Variants in ADARB1 observed in about 807,000 individuals in gnomAD.
ADARB1 encodes double-stranded RNA-specific editase 1.
In ADARB1, 10 loss-of-function variants were observed where a neutral mutation model predicts 52.4. The ratio of observed to expected loss-of-function variants is 0.19; its 90% confidence interval spans 0.12 to 0.32. The LOEUF is 0.32. Ranked by LOEUF, ADARB1 falls within the 10% of genes least tolerant of loss-of-function variation. The pLI is 1.00. For missense variants in ADARB1, 643 were observed against 922.3 expected (o/e 0.70, Z 3.92); for synonymous variants, 349 against 371.1 (o/e 0.94, Z 0.68).
At chr21:45,210,772 G>A (rs193008462) in intron 9 of ADARB1, among the ~76,000 whole-genome samples, 3 of 152,372 alleles carry the variant, frequency 2.0e-5, no homozygotes, top group Non-Finnish European at 2.9e-5. Flanking sequence ...TCCCATGGAC[G>A]AAGACAGTGC....
chr21:45,209,581 C>T (rs1470447770), intron 9 of ADARB1, among the ~76,000 whole-genome samples: 1 of 152,214 alleles, frequency 6.6e-6, no homozygotes, highest in Non-Finnish European at 1.5e-5. Flanking sequence ...ACGTCAAGAC[C>T]TCCATGCCAC....
Position 45,224,079 on chromosome 21 carries a change from C to A in ADARB1, c.*1882C>A. 1.0e-6 allele frequency: 1 copy of A among 985,480 alleles called. No individual in the cohort carries two copies. Among genetic ancestry groups the A allele is most frequent in the Non-Finnish European group, 1.2e-6 (1 of 829,980 alleles). The allele number at this position is 985,480 out of a possible 1,614,324, so 61.0% of individuals were successfully genotyped here. A position where few individuals can be genotyped will look rare whatever the true frequency, so the allele number is the denominator to read the frequency against. ...CTGTTGTCGCTGGCTTTCCCCCAAGCAGGCTCTTGCACACTCTAGAAAAAA... is the reference window on the plus strand; with the variant it reads ...CTGTTGTCGCTGGCTTTCCCCCAAGAAGGCTCTTGCACACTCTAGAAAAAA... On this transcript the variant is annotated 3_prime_UTR_variant, in exon 11 of 11. Transcript: ENST00000348831.
intron 8 of ADARB1, among the ~76,000 whole-genome samples, chr21:45,190,885 T>G (rs2092263129): frequency 6.6e-6 from 1 of 152,224 alleles, no homozygotes; most frequent in Non-Finnish European, 1.5e-5. Context: ...GTATGGAGGC[T>G]TCCTCCCACT....
intron 1 of ADARB1, among the ~76,000 whole-genome samples, chr21:45,099,370 T>C (rs1302397233): frequency 6.6e-6 from 1 of 152,152 alleles, no homozygotes; most frequent in African/African-American, 2.4e-5. Flanking sequence ...TTTAAAAAAA[T>C]AATTTACAGG....
Position 45,220,802 on chromosome 21 carries a change from G to A in ADARB1, c.1748-34G>A. 6.2e-7 allele frequency: 1 copy of A among 1,602,674 alleles called. No individual in the cohort carries two copies. The highest frequency in any genetic ancestry group is 8.5e-7 in the Non-Finnish European group (1 of 1,171,760). On this transcript the variant is annotated intron_variant, in intron 9 of 10. Transcript: ENST00000348831. The surrounding 1 kb of genome is among the most constrained non-coding windows in gnomAD (Gnocchi z 6.3). ...GCTCCCTCCCTGGGGGTGAAAGCGGGCTTCACACCACCTTCCTGTGTCTTC... is the reference window on the plus strand; with the variant it reads ...GCTCCCTCCCTGGGGGTGAAAGCGGACTTCACACCACCTTCCTGTGTCTTC...
chr21:45,125,609 G>T (rs1448485073), intron 1 of ADARB1, among the ~76,000 whole-genome samples: 1 of 152,252 alleles, frequency 6.6e-6, no homozygotes, highest in Admixed American at 6.5e-5. Flanking sequence ...ACTCATTGGG[G>T]GAAGTAAGAT....
intron 8 of ADARB1, among the ~76,000 whole-genome samples, chr21:45,188,733 T>C (rs764772389): frequency 3.9e-5 from 6 of 152,344 alleles, no homozygotes; most frequent in Non-Finnish European, 5.9e-5. Flanking sequence ...GTTTTCTATA[T>C]GCTTGTAGCT....
intron 1 of ADARB1, among the ~76,000 whole-genome samples, chr21:45,109,983 G>C (rs929114861): frequency 6.6e-6 from 1 of 152,200 alleles, no homozygotes; most frequent in Non-Finnish European, 1.5e-5. Context: ...CGCTTCAGCT[G>C]CAAGTGCGGT....
At chr21:45,086,488 A>G (rs2086349631) in intron 1 of ADARB1, among the ~76,000 whole-genome samples, 1 of 152,088 alleles carries the variant, frequency 6.6e-6, no homozygotes, top group Non-Finnish European at 1.5e-5. Flanking sequence ...TCTGCAGTTG[A>G]TTCGCGCACC....
At chr21:45,095,925 T>C (rs1469075314) in intron 1 of ADARB1, among the ~76,000 whole-genome samples, 2 of 152,214 alleles carry the variant, frequency 1.3e-5, no homozygotes, top group African/African-American at 2.4e-5. Context: ...AGTGGGGCTG[T>C]TGGGGCTTTA....
intron 1 of ADARB1, among the ~76,000 whole-genome samples, chr21:45,105,517 C>G (rs552816516): frequency 6.6e-6 from 1 of 152,336 alleles, no homozygotes; most frequent in East Asian, 1.9e-4. Flanking sequence ...TTTCCTTCAG[C>G]TGCTCCTGAC....
At position 45,208,234 on chromosome 21, in the gene ADARB1, T is replaced by C. The variant is rs1010307190; in HGVS notation, c.1747+3498T>C. Among the ~76,000 whole-genome samples, 3 of 152,148 alleles carry C rather than the reference T, an allele frequency of 2.0e-5. No homozygotes were observed. Among genetic ancestry groups the C allele is most frequent in the Admixed American group, 2.0e-4 (3 of 15,280 alleles). The stretch of plus-strand genomic sequence containing the variant: ...GATAAACCAAGAAGAAGGAGCAGGG[T>C]GCCCAAATGCCGCATGCGATGGCTC... On this transcript the variant is annotated intron_variant, in intron 9 of 10. Coordinates refer to ENST00000348831, the MANE Select transcript of ADARB1 (RefSeq NM_001112.4). The surrounding 1 kb of genome is among the most constrained non-coding windows in gnomAD (Gnocchi z 5.6).
chr21:45,111,207 C>G (rs1392751875), intron 1 of ADARB1, among the ~76,000 whole-genome samples: 1 of 152,264 alleles, frequency 6.6e-6, no homozygotes, highest in African/African-American at 2.4e-5. Context: ...GTGCCTGCCA[C>G]TGACCTCTGT....
chr21:45,198,947 C>G (rs1422615280), intron 8 of ADARB1, among the ~76,000 whole-genome samples: 1 of 151,824 alleles, frequency 6.6e-6, no homozygotes, highest in Non-Finnish European at 1.5e-5. Flanking sequence ...AAGTTGAATC[C>G]CAACATGGCA....
intron 9 of ADARB1, among the ~76,000 whole-genome samples, chr21:45,217,507 T>C (rs1245051216): frequency 3.3e-5 from 5 of 152,184 alleles, no homozygotes; most frequent in Non-Finnish European, 7.4e-5. Context: ...TTCCCAACCT[T>C]TGTGGTATTG....
chr21:45,174,140 T>C (rs2091594849), intron 3 of ADARB1, among the ~76,000 whole-genome samples: 1 of 152,232 alleles, frequency 6.6e-6, no homozygotes, highest in East Asian at 1.9e-4. Flanking sequence ...ATTTTACACA[T>C]GTAGTAGAAA....
In ADARB1 at chr21:45,217,410, A is replaced by G. The variant is rs781214088; in HGVS notation, c.1748-3426A>G. Among the ~76,000 whole-genome samples the G allele has an allele frequency of 5.9e-5, 9 of 152,036 alleles. No individual in the cohort carries two copies. The South Asian group carries it at 6.2e-4, about 10-fold the overall frequency. On this transcript the variant is annotated intron_variant, in intron 9 of 10. Coordinates refer to ENST00000348831, the MANE Select transcript of ADARB1 (RefSeq NM_001112.4). ...GTGGTTTTTAGGGTTTATAGTATGCATTCTTACCACGATCTCCCTTCAAGT... is the reference window on the plus strand; with the variant it reads ...GTGGTTTTTAGGGTTTATAGTATGCGTTCTTACCACGATCTCCCTTCAAGT...
At chr21:45,206,624 A>G (rs1263340719) in intron 9 of ADARB1, among the ~76,000 whole-genome samples, 1 of 114,662 alleles carries the variant, frequency 8.7e-6, no homozygotes, top group Non-Finnish European at 1.6e-5. Context: ...CCCAGGCTGG[A>G]GTGCAGTGGC....
chr21:45,086,154 T>TA lies in ADARB1; in HGVS notation c.-220+11361_-220+11362insA, dbSNP rs111646103. ...GCTGTTGGACAGAAGACCTGCCCTG[T>TA]GTGCCTTTTCACACTGCATTGAGAA... On this transcript the variant is annotated intron_variant, in intron 1 of 10. Transcript: ENST00000348831. Among the ~76,000 whole-genome samples, 1,263 of 152,348 alleles carry TA rather than the reference T, an allele frequency of 8.3e-3. 19 individuals are homozygous for TA. The highest frequency in any genetic ancestry group is 0.019 in the African/African-American group (787 of 41,574).
Sources: gnomAD v4.1 joint callset for allele counts (sites outside exome capture counted in the v4.1 genomes callset) on GRCh38, gnomAD v4.1.1 for gene constraint, Gnocchi (gnomAD v3.1) non-coding constraint, MANE v1.5 for transcripts, NCBI Gene and HGNC (gene_info 2026-07-23, HGNC 2026-07-21) for gene names.